OAF: variants seen among roughly 807,000 people sequenced by gnomAD.
OAF encodes out at first homolog.
Under a neutral mutation model 22.5 loss-of-function variants are expected in OAF, and 13 were observed. That is an observed-to-expected ratio of 0.58 (90% CI 0.38 to 0.92). OAF has a LOEUF of 0.92. Ranked by LOEUF, OAF falls within the 40% of genes least tolerant of loss-of-function variation. The pLI, the probability that OAF is intolerant of heterozygous loss-of-function variation, is 0.00. For missense variants in OAF, 347 were observed against 381.8 expected (o/e 0.91, Z 0.76); for synonymous variants, 175 against 170.5 (o/e 1.03, Z -0.21).
chr11:120,224,686 A>G (rs911794173), intron 1 of OAF, among the ~76,000 whole-genome samples: 1 of 152,216 alleles, frequency 6.6e-6, no homozygotes, highest in Non-Finnish European at 1.5e-5. Flanking sequence ...GTGCAGAGCC[A>G]TAGGGGTTCC....
At chr11:120,228,697 A>C (rs1261195847) in intron 3 of OAF, among the ~76,000 whole-genome samples, 171 bp from the exon 4 acceptor site, 1 of 152,212 alleles carries the variant, frequency 6.6e-6, no homozygotes, top group Non-Finnish European at 1.5e-5. Flanking sequence ...GGAGGAGCCT[A>C]GTAACCAGGT....
rs139019085 is a variant in OAF, at chr11:120,229,044, A to G, written c.724A>G (p.Lys242Glu). 1 of 1,613,524 alleles carries G rather than the reference A, an allele frequency of 6.2e-7. No homozygotes were observed. The highest frequency in any genetic ancestry group is 8.5e-7 in the Non-Finnish European group (1 of 1,179,916). Residue 242 changes from lysine to glutamate, a missense_variant, in exon 4 of 4, where the codon AAG becomes GAG. Physicochemically the swap from Lys to Glu is moderately conservative, Grantham distance 56. Transcript: ENST00000328965. ...CHSRDRPTPYKCGIRSCQKSY... is the reference protein window; with the variant it reads ...CHSRDRPTPYECGIRSCQKSY... ...CAGCCGCGACCGGCCCACGCCCTAC[A>G]AGTGTGGCATCCGCAGCTGCCAGAA...
chr11:120,212,320 C>CCG (rs1227936934), intron 1 of OAF, among the ~76,000 whole-genome samples: 1 of 151,670 alleles, frequency 6.6e-6, no homozygotes, highest in African/African-American at 2.4e-5. Context: ...AGAGACCAGC[C>CCG]CGCTCTTGGT....
Position 120,211,420 on chromosome 11 carries a change from C to T in OAF, c.141C>T (p.Ser47=). Reference sequence around the variant, plus strand: ...CGGACGGCCAGGTGACCGAGGAGAGCCTGCAGGCGGACAGCGACGCGGACA... The same window carrying T: ...CGGACGGCCAGGTGACCGAGGAGAGTCTGCAGGCGGACAGCGACGCGGACA... ...RLPDGQVTEE[S]LQADSDADSI... Residue 47 remains serine, a synonymous_variant, in exon 1 of 4, where the codon AGC becomes AGT. Transcript: ENST00000328965. 6.4e-7 allele frequency: 1 copy of T among 1,551,152 alleles called. No individual in the cohort carries two copies. The highest frequency in any genetic ancestry group is 1.2e-5 in the South Asian group (1 of 83,686).
At chr11:120,228,778 A>G in intron 3 of OAF, 90 bp from the exon 4 acceptor site, 1 of 1,016,014 alleles carries the variant, frequency 9.8e-7, no homozygotes, top group South Asian at 1.5e-5. Flanking sequence ...GACAGAGGAG[A>G]CCAAGTGGGG....
At chr11:120,227,460 TAGTG>T (rs1938376274) in intron 3 of OAF, among the ~76,000 whole-genome samples, 1 of 152,086 alleles carries the variant, frequency 6.6e-6, no homozygotes, top group Non-Finnish European at 1.5e-5. Flanking sequence ...TCCCTGCCCT[TAGTG>T]AGGACACAGA....
At chr11:120,225,835 C>A in intron 2 of OAF, 40 bp downstream of exon 2, 1 of 1,567,134 alleles carries the variant, frequency 6.4e-7, no homozygotes. Context: ...AGGTCCTGAC[C>A]CGCAGCAGAC....
chr11:120,225,837 G>T (rs373717777), intron 2 of OAF, 42 bp downstream of exon 2: 75 of 1,564,020 alleles, frequency 4.8e-5, no homozygotes, highest in African/African-American at 2.8e-5. Flanking sequence ...GTCCTGACCC[G>T]CAGCAGACCC....
chr11:120,222,675 A>T (rs761602934), intron 1 of OAF, among the ~76,000 whole-genome samples: 9 of 152,196 alleles, frequency 5.9e-5, no homozygotes, highest in Non-Finnish European at 1.2e-4. Context: ...ACACTTTGGG[A>T]GGCCGAGGCA....
chr11:120,221,034 C>T (rs1938274585), intron 1 of OAF, among the ~76,000 whole-genome samples: 1 of 152,202 alleles, frequency 6.6e-6, no homozygotes, highest in Non-Finnish European at 1.5e-5. Context: ...TGAGGAGTCC[C>T]TCACTGTGCG....
intron 3 of OAF, among the ~76,000 whole-genome samples, chr11:120,227,430 T>C (rs781573967): frequency 1.7e-4 from 26 of 152,162 alleles, no homozygotes; most frequent in Non-Finnish European, 2.6e-4. Flanking sequence ...TGGAGGGAGA[T>C]TCCCAGGTAC....
At chr11:120,216,106 T>C (rs1938208435) in intron 1 of OAF, among the ~76,000 whole-genome samples, 1 of 152,152 alleles carries the variant, frequency 6.6e-6, no homozygotes, top group Non-Finnish European at 1.5e-5. Context: ...GCTTGAGCCC[T>C]GTCCTGGGCA....
chr11:120,212,071 C>G (rs1463282985), intron 1 of OAF, among the ~76,000 whole-genome samples: 4 of 152,200 alleles, frequency 2.6e-5, no homozygotes, highest in South Asian at 4.1e-4. Flanking sequence ...GAAGCCCTGT[C>G]TCCTCTTTGG....
At chr11:120,221,744 A>T (rs1254314836) in intron 1 of OAF, among the ~76,000 whole-genome samples, 1 of 152,104 alleles carries the variant, frequency 6.6e-6, no homozygotes, top group Non-Finnish European at 1.5e-5. Flanking sequence ...CCTAGCAAAC[A>T]CTATTTCCCC....
intron 1 of OAF, among the ~76,000 whole-genome samples, chr11:120,219,001 G>A (rs1471176632): frequency 1.3e-5 from 2 of 150,108 alleles, no homozygotes; most frequent in Non-Finnish European, 3.0e-5. Context: ...GTGTGTGTGT[G>A]TACACACGTT....
chr11:120,216,210 T>C (rs499434), intron 1 of OAF, among the ~76,000 whole-genome samples: 116,476 of 152,012 alleles, frequency 0.77, 46,226 homozygotes, highest in Middle Eastern at 0.9. Context: ...GGGAGCAACA[T>C]GGGAAGCCTT....
At chr11:120,221,314 T>G (rs765568372) in intron 1 of OAF, among the ~76,000 whole-genome samples, 21 of 152,332 alleles carry the variant, frequency 1.4e-4, no homozygotes, top group Non-Finnish European at 2.5e-4. Flanking sequence ...ATTGGCTGAT[T>G]ACTTGCAAGC....
chr11:120,228,046 G>A lies in OAF; in HGVS notation c.548-822G>A, dbSNP rs116244243. On this transcript the variant is annotated intron_variant, in intron 3 of 3. Transcript: ENST00000328965. ...TGACCTGACCTGCCCCACTGTGGGTGTGCTTTGCTGGCCCTTCTCTGCCTA... is the reference window on the plus strand; with the variant it reads ...TGACCTGACCTGCCCCACTGTGGGTATGCTTTGCTGGCCCTTCTCTGCCTA... 5.8e-3 allele frequency among the ~76,000 whole-genome samples: 871 copies of A among 150,654 alleles called. 10 individuals carry two copies. Among genetic ancestry groups the A allele is most frequent in the African/African-American group, 0.019 (797 of 41,140 alleles).
chr11:120,214,017 G>C (rs1033719893), intron 1 of OAF: 2 of 152,224 alleles, frequency 1.3e-5, no homozygotes, highest in African/African-American at 4.8e-5. Context: ...GCTGCACTGA[G>C]CTGCAATTGT....
Sources: gnomAD v4.1 joint callset for allele counts (sites outside exome capture counted in the v4.1 genomes callset) on GRCh38, gnomAD v4.1.1 for gene constraint, MANE v1.5 for transcripts, NCBI Gene and HGNC (gene_info 2026-07-23, HGNC 2026-07-21) for gene names.